Variants in RECK observed in about 807,000 individuals in gnomAD.
RECK encodes the protein reversion inducing cysteine rich protein with kazal motifs.
RECK carries 69 observed loss-of-function variants against 115.1 expected under a neutral mutation model. The observed-to-expected ratio is 0.60, with a 90% confidence interval of 0.49 to 0.73. The LOEUF (loss-of-function observed/expected upper bound fraction) is 0.73, where lower values mean the gene tolerates loss of function less well. RECK is among the 30% of genes least tolerant of loss of function. RECK has a pLI of 0.00. For synonymous variants in RECK, 414 were observed against 419.7 expected, an observed-to-expected ratio of 0.99 and a Z score of 0.17; for missense variants, 1,047 against 1,203.7, an observed-to-expected ratio of 0.87 and a Z score of 1.93.
In RECK at chr9:36,063,890, G is replaced by A; in HGVS notation, c.357+10G>A. The A allele has an allele frequency of 6.2e-7, 1 of 1,613,282 alleles. No homozygotes were observed. Among genetic ancestry groups the A allele is most frequent in the Non-Finnish European group, 8.5e-7 (1 of 1,179,258 alleles). On this transcript the variant is annotated intron_variant, in intron 5 of 20. Coordinates refer to ENST00000377966, the MANE Select transcript of RECK (RefSeq NM_021111.3). ...ACAGGCATGCAAGCAGGTAACACTG[G>A]GTAGTCAGGCTCTCAAACATCATGG...
intron 10 of RECK, among the ~76,000 whole-genome samples, chr9:36,095,439 C>T (rs1046775564): frequency 6.6e-6 from 1 of 152,146 alleles, no homozygotes; most frequent in Non-Finnish European, 1.5e-5. Flanking sequence ...CAGAATTTTT[C>T]AGGAAGCAGA....
intron 10 of RECK, among the ~76,000 whole-genome samples, chr9:36,093,554 A>C (rs10122295): frequency 0.087 from 13,236 of 152,228 alleles, 711 homozygotes; most frequent in East Asian, 0.3. Flanking sequence ...TAGACACAGC[A>C]GAAGAAAAAG....
intron 6 of RECK, 61 bp from the exon 7 acceptor site, chr9:36,080,544 T>C: frequency 1.5e-6 from 2 of 1,357,732 alleles, no homozygotes; most frequent in Non-Finnish European, 2.1e-6. Flanking sequence ...TAAAGTGGAA[T>C]TAAATTACAA....
chr9:36,082,152 T>TTCTCTCTCTCTCTTTCTCTCTCTCTCTC (rs373078886), intron 7 of RECK, among the ~76,000 whole-genome samples: 3 of 113,650 alleles, frequency 2.6e-5, no homozygotes, highest in African/African-American at 9.6e-5. Flanking sequence ...CCTCCCTGCT[T>TTCTCTCTCTCTCTTTCTCTCTCTCTCTC]TCTCTCTCTC....
intron 20 of RECK, among the ~76,000 whole-genome samples, chr9:36,122,152 G>A (rs1824484854): frequency 6.6e-6 from 1 of 152,184 alleles, no homozygotes; most frequent in Non-Finnish European, 1.5e-5. Context: ...GGGCTCTAGT[G>A]TTTCTTTGTC....
At chr9:36,120,065 T>C (rs1048395334) in intron 18 of RECK, among the ~76,000 whole-genome samples, 3 of 151,838 alleles carry the variant, frequency 2.0e-5, no homozygotes, top group Non-Finnish European at 4.4e-5. Flanking sequence ...AAACCCTGTC[T>C]CTACTAAAAA....
chr9:36,115,844 A>G (rs1485220825), intron 16 of RECK, among the ~76,000 whole-genome samples: 1 of 152,212 alleles, frequency 6.6e-6, no homozygotes, highest in African/African-American at 2.4e-5. Flanking sequence ...TAAAATACCC[A>G]GTGAAAGCTA....
rs1390793582 is a variant in RECK at position 36,063,847 on chromosome 9, T to C, written c.324T>C (p.Ala108=). 1 of 1,613,962 alleles carries C rather than the reference T, an allele frequency of 6.2e-7. No individual in the cohort carries two copies. Among genetic ancestry groups the C allele is most frequent in the Non-Finnish European group, 8.5e-7 (1 of 1,179,938 alleles). Residue 108 remains alanine, a synonymous_variant, in exon 5 of 21, where the codon GCT becomes GCC. Transcript: ENST00000377966. ...GWVGLGCCEL[A]IALECRQACK... ...TTGGCTTAGGCTGCTGTGAACTGGC[T>C]ATTGCCTTGGAGTGTCGACAGGCAT... is the stretch of plus-strand genomic sequence containing the variant.
intron 4 of RECK, 35 bp from the exon 5 acceptor site, chr9:36,063,760 T>C: frequency 6.2e-7 from 1 of 1,601,796 alleles, no homozygotes; most frequent in Non-Finnish European, 8.6e-7. Flanking sequence ...TTATTGCTAC[T>C]TATGACCAAA....
chr9:36,089,184 T>C (rs1823071590), intron 9 of RECK, among the ~76,000 whole-genome samples: 2 of 152,154 alleles, frequency 1.3e-5, no homozygotes, highest in South Asian at 4.1e-4. Flanking sequence ...CTTGTAGAAG[T>C]TAATAAATAT....
At chr9:36,064,484 T>C (rs1389431306) in intron 5 of RECK, among the ~76,000 whole-genome samples, 1 of 152,212 alleles carries the variant, frequency 6.6e-6, no homozygotes, top group Non-Finnish European at 1.5e-5. Flanking sequence ...GTGGCAGAAA[T>C]AGACTTAACT....
At position 36,094,637 on chromosome 9, in the gene RECK, A is replaced by C. The variant is rs968921772; in HGVS notation, c.1085+3294A>C. On this transcript the variant is annotated intron_variant, in intron 10 of 20. Coordinates refer to ENST00000377966, the MANE Select transcript of RECK (RefSeq NM_021111.3). The surrounding 1 kb of genome is among the most constrained non-coding windows in gnomAD (Gnocchi z 4.1). ...ACATAAACGTAAATGAACTAAAAAC[A>C]TCGATTGAAAGGCAGAGGTTGTTAG... Among the ~76,000 whole-genome samples the C allele has an allele frequency of 6.6e-6, 1 of 152,214 alleles. No homozygotes were observed. The highest frequency in any genetic ancestry group is 2.1e-4 in the South Asian group (1 of 4,836).
Position 36,123,735 on chromosome 9 carries a change from G to A in RECK, c.*690G>A, listed in dbSNP as rs1178146686. ...TTGTGTCTGTGACTTTTGTGAAAGG[G>A]AGAAGTGACATTGCATCAAAGCATC... On this transcript the variant is annotated 3_prime_UTR_variant, in exon 21 of 21. Transcript: ENST00000377966. 1 of 152,230 alleles carries A rather than the reference G, an allele frequency of 6.6e-6. No homozygotes were observed. The highest frequency in any genetic ancestry group is 2.4e-5 in the African/African-American group (1 of 41,444). 9.4% of individuals were successfully genotyped at this position (152,230 alleles called of 1,614,324 possible).
chr9:36,082,188 C>CTCTCTCTCTCTCTT (rs1401784584), intron 7 of RECK, among the ~76,000 whole-genome samples: 1 of 146,512 alleles, frequency 6.8e-6, no homozygotes, highest in Non-Finnish European at 1.5e-5. Flanking sequence ...CTCTCTCTCT[C>CTCTCTCTCTCTCTT]CTTTTTTCTT....
At chr9:36,106,962 C>T (rs1823843043) in intron 13 of RECK, among the ~76,000 whole-genome samples, 1 of 151,658 alleles carries the variant, frequency 6.6e-6, no homozygotes, top group Non-Finnish European at 1.5e-5. Flanking sequence ...AAAAATTAGC[C>T]GGGCATGGTG....
At chr9:36,096,068 CAA>C (rs150675703) in intron 10 of RECK, among the ~76,000 whole-genome samples, 2,903 of 90,962 alleles carry the variant, frequency 0.032, 119 homozygotes, top group African/African-American at 0.11. Context: ...AACTCCATCT[CAA>C]AAAAAAAAAA....
At chr9:36,065,773 G>C in intron 6 of RECK, 149 bp downstream of exon 6, 1 of 538,160 alleles carries the variant, frequency 1.9e-6, no homozygotes, top group Non-Finnish European at 3.0e-6. Context: ...GTCATTTACT[G>C]TGTTCGGAAA....
intron 9 of RECK, among the ~76,000 whole-genome samples, chr9:36,089,094 C>T (rs190246049): frequency 1.3e-3 from 196 of 152,040 alleles, no homozygotes; most frequent in Non-Finnish European, 1.4e-3. Flanking sequence ...AAATGAAAGA[C>T]GTGAAAAATC....
At chr9:36,058,805 CT>C (rs398113450) in intron 2 of RECK, 21 bp from the exon 3 acceptor site, 87,653 of 1,035,582 alleles carry the variant, frequency 0.085, 11 homozygotes, top group South Asian at 0.12. Context: ...GCCACAAAAA[CT>C]TTTTTTTTTT....
Sources: allele counts gnomAD v4.1 joint callset (sites outside exome capture counted in the v4.1 genomes callset), GRCh38; gene constraint gnomAD v4.1.1; non-coding constraint Gnocchi (gnomAD v3.1); transcripts MANE v1.5; gene names NCBI Gene and HGNC (gene_info 2026-07-23, HGNC 2026-07-21).